Variants in MATN3 observed in about 807,000 individuals in gnomAD.
MATN3 encodes the protein matrilin-3.
A neutral mutation model predicts 45.3 loss-of-function variants in MATN3; 48 were observed. The observed-to-expected ratio is 1.06, with a 90% CI of 0.84 to 1.35. MATN3 has a LOEUF of 1.35. Among genes scored for constraint, MATN3 ranks in the 40% most tolerant of loss-of-function variants. The probability of loss-of-function intolerance (pLI) is 0.00; values close to 1 mark genes in which losing one functional copy is unlikely to be tolerated. For missense variants in MATN3, 599 were observed against 628.0 expected, an observed-to-expected ratio of 0.95 and a Z score of 0.49; for synonymous variants, 217 against 245.9, an observed-to-expected ratio of 0.88 and a Z score of 1.10.
At chr2:20,007,062 GC>G in intron 1 of MATN3, among the ~76,000 whole-genome samples, 1 of 152,080 alleles carries the variant, frequency 6.6e-6, no homozygotes, top group Non-Finnish European at 1.5e-5. Flanking sequence ...CAAAAAATTA[GC>G]CGGGCGTGGT....
At chr2:20,004,417 G>T (rs781211036) in intron 2 of MATN3, among the ~76,000 whole-genome samples, 8 of 152,218 alleles carry the variant, frequency 5.3e-5, no homozygotes, top group Non-Finnish European at 1.0e-4. Context: ...GAGTGGGAGG[G>T]TGATTTCCTG....
At position 20,012,636 on chromosome 2, in the gene MATN3, G is replaced by A; in HGVS notation, c.-5C>T. 4 of 1,198,028 alleles carry A rather than the reference G, an allele frequency of 3.3e-6. No individual in the cohort carries two copies. Among genetic ancestry groups the A allele is most frequent in the Non-Finnish European group, 3.1e-6 (3 of 961,900 alleles). The allele number at this position is 1,198,028 out of a possible 1,614,324, so 74.2% of individuals were successfully genotyped here. ...CGCGGGGGCCGGGCGCGGCATGGTG[G>A]GCTCCGTGGGCCTGGTGGTGTCCGT... On this transcript the variant is annotated 5_prime_UTR_variant, in exon 1 of 8. Coordinates refer to ENST00000407540, the MANE Select transcript of MATN3 (RefSeq NM_002381.5). This position sits in a 1 kb window ranked among gnomAD's most constrained non-coding sequence, Gnocchi z 4.3.
At chr2:19,999,573 G>C (rs2103480891) in intron 5 of MATN3, among the ~76,000 whole-genome samples, 1 of 141,722 alleles carries the variant, frequency 7.1e-6, no homozygotes, top group South Asian at 2.3e-4. Context: ...CCAATGCTTA[G>C]TTCCATACTG....
chr2:20,008,257 C>G (rs566606073), intron 1 of MATN3, among the ~76,000 whole-genome samples: 1 of 152,298 alleles, frequency 6.6e-6, no homozygotes, highest in South Asian at 2.1e-4. Flanking sequence ...GCCACTGTGC[C>G]CAGCCCTAAA....
intron 1 of MATN3, among the ~76,000 whole-genome samples, chr2:20,006,633 A>G (rs932422654): frequency 5.9e-5 from 9 of 152,216 alleles, no homozygotes; most frequent in African/African-American, 1.9e-4. Flanking sequence ...GGGAATTAAT[A>G]GATTCTACAC....
chr2:20,010,435 T>C (rs554305944), intron 1 of MATN3, among the ~76,000 whole-genome samples: 2 of 152,188 alleles, frequency 1.3e-5, no homozygotes, highest in Non-Finnish European at 2.9e-5. Context: ...GACATGTTAC[T>C]TTTACGTGGC....
In MATN3 at chr2:19,997,268, AC is replaced by A; in HGVS notation, c.1169-10del. The A allele has an allele frequency of 6.3e-7, 1 of 1,595,706 alleles. No individual in the cohort carries two copies. On this transcript the variant is annotated splice_polypyrimidine_tract_variant and intron_variant, in intron 5 of 7. Transcript: ENST00000407540. ...GGCACACTTGTCACGGACTGACCGCACGTGGTGCAGGAAAGAAAATATTCAC... is the reference window on the plus strand; with the variant it reads ...GGCACACTTGTCACGGACTGACCGCAGTGGTGCAGGAAAGAAAATATTCAC...
At position 20,005,633 on chromosome 2, in the gene MATN3, TTAAG is replaced by T. The variant is rs1196064928; in HGVS notation, c.790+107_790+110del. On this transcript the variant is annotated intron_variant, in intron 2 of 7. Transcript: ENST00000407540. ...ACACACACACACGCATTGGATATAT[TTAAG>T]TTTTTCATTAAATTTCCACCAAAAA... is the stretch of plus-strand genomic sequence containing the variant. 8.6e-6 allele frequency: 8 copies of T among 926,914 alleles called. No homozygotes were observed. The South Asian group carries it at 1.5e-4, about 17-fold the overall frequency. 57.4% of individuals were successfully genotyped at this position (926,914 alleles called of 1,614,324 possible).
intron 5 of MATN3, 138 bp downstream of exon 5, chr2:20,000,303 T>C: frequency 1.4e-6 from 1 of 698,224 alleles, no homozygotes; most frequent in Non-Finnish European, 2.3e-6. Flanking sequence ...CTGAGCAATG[T>C]GTGCCTTCAT....
At chr2:19,994,746 G>T (rs779727465) in intron 6 of MATN3, among the ~76,000 whole-genome samples, 46 of 152,214 alleles carry the variant, frequency 3.0e-4, no homozygotes, top group Middle Eastern at 6.8e-3. Context: ...ATAGGGGGAG[G>T]CCAGGGATAT....
intron 2 of MATN3, among the ~76,000 whole-genome samples, chr2:20,003,775 G>A (rs149074441): frequency 7.2e-5 from 11 of 152,330 alleles, no homozygotes; most frequent in African/African-American, 2.2e-4. Flanking sequence ...AGCCTAGAAC[G>A]AACTCACAGG....
rs1212966843 is a variant in MATN3, at chr2:19,993,938, C to G, written c.1405+361G>C. Among the ~76,000 whole-genome samples, 6 of 152,076 alleles carry G rather than the reference C, an allele frequency of 3.9e-5. No individual in the cohort carries two copies. In the East Asian group the frequency reaches 1.2e-3, roughly 29 times the overall value. ...TGTGTGTAATCTGAGATATCACACCCCATTAATCAGCTGACTTGCTTTGTA... is the reference window on the plus strand; with the variant it reads ...TGTGTGTAATCTGAGATATCACACCGCATTAATCAGCTGACTTGCTTTGTA... On this transcript the variant is annotated intron_variant, in intron 7 of 7. Coordinates refer to ENST00000407540, the MANE Select transcript of MATN3 (RefSeq NM_002381.5).
At chr2:20,011,383 T>C (rs185224434) in intron 1 of MATN3, among the ~76,000 whole-genome samples, 35 of 152,376 alleles carry the variant, frequency 2.3e-4, no homozygotes, top group Non-Finnish European at 1.0e-4. Flanking sequence ...CCTCCTGCCT[T>C]AGCAGCAATG....
chr2:20,009,666 G>T (rs545823612), intron 1 of MATN3, among the ~76,000 whole-genome samples: 1 of 152,178 alleles, frequency 6.6e-6, no homozygotes, highest in South Asian at 2.1e-4. Flanking sequence ...TTTTTAAAAA[G>T]ATCTGAATAG....
chr2:19,993,089 T>G lies in MATN3; in HGVS notation c.*22A>C. ...TAAGTACACCAAGCTGTCCACATTT[T>G]CAGGTGAGAAATTGGAGCAATTTAA... On this transcript the variant is annotated 3_prime_UTR_variant, in exon 8 of 8. Transcript: ENST00000407540. The G allele has an allele frequency of 6.3e-7, 1 of 1,599,744 alleles. No homozygotes were observed. Among genetic ancestry groups the G allele is most frequent in the South Asian group, 1.1e-5 (1 of 90,724 alleles).
At position 20,003,053 on chromosome 2, in the gene MATN3, C is replaced by A. The variant is rs754017486; in HGVS notation, c.916+108G>T. ...GAACACCAGTAAACCAGCCAAAAGG[C>A]AGTTAGGTAAAAAGGGGTCAGAGAG... On this transcript the variant is annotated intron_variant, in intron 3 of 7. Coordinates refer to ENST00000407540, the MANE Select transcript of MATN3 (RefSeq NM_002381.5). 3.8e-6 allele frequency: 5 copies of A among 1,321,234 alleles called. No individual in the cohort carries two copies. The South Asian group carries it at 4.6e-5, about 12-fold the overall frequency. The allele number at this position is 1,321,234 out of a possible 1,614,324, so 81.8% of individuals were successfully genotyped here. A position where few individuals can be genotyped will look rare whatever the true frequency, so the allele number is the denominator to read the frequency against.
At chr2:19,997,518 A>C (rs537230275) in intron 5 of MATN3, 1 of 321,350 alleles carries the variant, frequency 3.1e-6, no homozygotes, top group Non-Finnish European at 5.8e-6. Context: ...CTTTTTTTCT[A>C]CCCACAGCAC....
rs1558374876 is a variant in MATN3, at chr2:20,006,300, C to A, written c.234G>T (p.Lys78Asn). ...PGRARGAGVC[K>N]SRPLDLVFII... ...TAAACACCAGGTCCAAGGGTCTGCTCTTGCAAACACCTGCAAAAGACCAAG... is the reference window on the plus strand; with the variant it reads ...TAAACACCAGGTCCAAGGGTCTGCTATTGCAAACACCTGCAAAAGACCAAG... The change falls in exon 2 of 8, where the codon AAG becomes AAT. Residue 78 changes from lysine to asparagine, a missense_variant. Coordinates refer to ENST00000407540, the MANE Select transcript of MATN3 (RefSeq NM_002381.5). The A allele has an allele frequency of 6.4e-7, 1 of 1,557,122 alleles. No homozygotes were observed. The highest frequency in any genetic ancestry group is 1.8e-5 in the Admixed American group (1 of 55,270).
rs753327466 is a variant in MATN3 at position 19,993,056 on chromosome 2, A to G, written c.*55T>C. On this transcript the variant is annotated 3_prime_UTR_variant, in exon 8 of 8. Coordinates refer to ENST00000407540, the MANE Select transcript of MATN3 (RefSeq NM_002381.5). ...CAATAACAGGTGTGCAAAAGAATGC[A>G]TGAGTATTAAGTACACCAAGCTGTC... is the stretch of plus-strand genomic sequence containing the variant. 144 of 1,386,228 alleles carry G rather than the reference A, an allele frequency of 1.0e-4. No individual in the cohort carries two copies. In the Middle Eastern group the frequency reaches 5.7e-3, roughly 55 times the overall value. 85.9% of individuals were successfully genotyped at this position (1,386,228 alleles called of 1,614,324 possible).
Sources: gnomAD v4.1 joint callset for allele counts (sites outside exome capture counted in the v4.1 genomes callset) on GRCh38, gnomAD v4.1.1 for gene constraint, Gnocchi (gnomAD v3.1) non-coding constraint, MANE v1.5 for transcripts, NCBI Gene and HGNC (gene_info 2026-07-23, HGNC 2026-07-21) for gene names.